RERG: variants seen among roughly 807,000 people sequenced by gnomAD.
The protein encoded by RERG is RAS like estrogen regulated growth inhibitor.
RERG carries 25 observed loss-of-function variants against 23.2 expected under a neutral mutation model. The observed-to-expected ratio is 1.08, with a 90% CI of 0.79 to 1.50. The LOEUF (loss-of-function observed/expected upper bound fraction) is 1.50, where lower values mean the gene tolerates loss of function less well. Ranked by LOEUF, RERG falls within the 40% of genes most tolerant of loss-of-function variation. The pLI, the probability that RERG is intolerant of heterozygous loss-of-function variation, is 0.00. For synonymous variants in RERG, 81 were observed against 89.1 expected, an observed-to-expected ratio of 0.91 and a Z score of 0.51; for missense variants, 253 against 250.1, an observed-to-expected ratio of 1.01 and a Z score of -0.08.
Position 15,163,344 on chromosome 12 carries a change from C to T in RERG, c.62-42225G>A, listed in dbSNP as rs530221492. On this transcript the variant is annotated intron_variant, in intron 2 of 4. Transcript: ENST00000256953. ...TCCTGGATCATATTTCAAACGTTGC[C>T]CTTGTTAATTTTCCAATGAATATAC... is the stretch of plus-strand genomic sequence containing the variant. Among the ~76,000 whole-genome samples the T allele has an allele frequency of 1.4e-4, 21 of 152,134 alleles. No homozygotes were observed. The South Asian group carries it at 4.2e-3, about 30-fold the overall frequency.
At chr12:15,189,526 T>G (rs569378132) in intron 2 of RERG, among the ~76,000 whole-genome samples, 108 of 152,304 alleles carry the variant, frequency 7.1e-4, no homozygotes, top group African/African-American at 2.5e-3. Context: ...TTTAGTCTCA[T>G]CAGTTTTCCC....
At chr12:15,182,057 C>CTTTT (rs71042236) in intron 2 of RERG, among the ~76,000 whole-genome samples, 1 of 138,074 alleles carries the variant, frequency 7.2e-6, no homozygotes, top group Non-Finnish European at 1.6e-5. Context: ...TAACTTTTAA[C>CTTTT]TTTTTTTTTT....
chr12:15,156,445 C>A (rs1443304201), intron 2 of RERG, among the ~76,000 whole-genome samples: 1 of 152,146 alleles, frequency 6.6e-6, no homozygotes, highest in Non-Finnish European at 1.5e-5. Context: ...ACCACAAATA[C>A]CACATCAGCT....
chr12:15,109,413 CTT>C lies in RERG; in HGVS notation c.295_296del (p.Lys99GlufsTer5). 1.2e-6 allele frequency: 2 copies of C among 1,614,012 alleles called. No homozygotes were observed. Among genetic ancestry groups the C allele is most frequent in the South Asian group, 1.1e-5 (1 of 91,062 alleles). On this transcript the variant is annotated frameshift_variant, in exon 5 of 5. Coordinates refer to ENST00000256953, the MANE Select transcript of RERG (RefSeq NM_032918.3). LOFTEE classifies it high-confidence loss of function. The stretch of plus-strand genomic sequence containing the variant: ...GCTTTTTGATCTCATCTAGGATGTT[CTT>C]AAGTGGCAGCACTTCCTCAAAACTT... ...RGSFEEVLPL[K>X]NILDEIKKPK... is the part of the protein sequence containing the mutation.
intron 2 of RERG, among the ~76,000 whole-genome samples, chr12:15,186,622 G>T (rs952885932): frequency 3.3e-5 from 5 of 151,960 alleles, no homozygotes; most frequent in African/African-American, 1.2e-4. Flanking sequence ...AGGAGGAGGA[G>T]AAAACATTAA....
intron 2 of RERG, among the ~76,000 whole-genome samples, chr12:15,132,259 A>T (rs780826894): frequency 3.9e-5 from 6 of 152,192 alleles, no homozygotes; most frequent in Admixed American, 1.3e-4. Flanking sequence ...CACTCCTACC[A>T]TTACTAAATG....
intron 2 of RERG, among the ~76,000 whole-genome samples, chr12:15,156,696 A>G (rs1460496759): frequency 6.6e-6 from 1 of 152,212 alleles, no homozygotes; most frequent in Non-Finnish European, 1.5e-5. Flanking sequence ...CAAGAGCAGA[A>G]TGGTATTATC....
chr12:15,221,221 G>C lies in RERG; in HGVS notation c.-141C>G, dbSNP rs35147010. On this transcript the variant is annotated 5_prime_UTR_variant, in exon 1 of 5. Transcript: ENST00000256953. ...TGTTCACACTCTCCAGGCCAGGAGA[G>C]CTACGGTCCTCTGCAAGTTCGGAAT... 1 of 152,292 alleles carries C rather than the reference G, an allele frequency of 6.6e-6. No homozygotes were observed. The highest frequency in any genetic ancestry group is 1.5e-5 in the Non-Finnish European group (1 of 68,082). The allele number at this position is 152,292 out of a possible 1,614,324, so 9.4% of individuals were successfully genotyped here.
chr12:15,132,380 A>C (rs1031777083), intron 2 of RERG, among the ~76,000 whole-genome samples: 7 of 152,172 alleles, frequency 4.6e-5, no homozygotes, highest in Non-Finnish European at 8.8e-5. Flanking sequence ...TTGATCACTT[A>C]TTTCCTTTTA....
At chr12:15,112,480 G>C (rs1171237172) in intron 3 of RERG, 1 of 152,108 alleles carries the variant, frequency 6.6e-6, no homozygotes, top group Admixed American at 6.5e-5. Flanking sequence ...CTATGTGAGG[G>C]GAAGGAGAAG....
Position 15,135,848 on chromosome 12 carries a change from G to T in RERG, c.62-14729C>A, listed in dbSNP as rs144601568. Among the ~76,000 whole-genome samples the T allele has an allele frequency of 4.0e-3, 615 of 152,038 alleles. 1 individual carries two copies. Among genetic ancestry groups the T allele is most frequent in the Non-Finnish European group, 6.8e-3 (463 of 67,912 alleles). Reference sequence around the variant, plus strand: ...TGCATTTATGTTCATGTGCCTTATTGGTCTATAGTTTCCTTTCCCTGTAAT... The same window carrying T: ...TGCATTTATGTTCATGTGCCTTATTTGTCTATAGTTTCCTTTCCCTGTAAT... On this transcript the variant is annotated intron_variant, in intron 2 of 4. Transcript: ENST00000256953.
intron 2 of RERG, among the ~76,000 whole-genome samples, chr12:15,188,627 T>A (rs1464185228): frequency 7.9e-5 from 12 of 152,296 alleles, no homozygotes; most frequent in Middle Eastern, 3.4e-3. Context: ...TGAACTTTTT[T>A]AAAAAAATTA....
rs1176333255 is a variant in RERG at position 15,163,778 on chromosome 12, G to T, written c.62-42659C>A. ...AGCTGTCCAGGAGAAGCTGGAGTCA[G>T]TGAAGACTGCCTAGTGGGAAAGACG... On this transcript the variant is annotated intron_variant, in intron 2 of 4. Transcript: ENST00000256953. Among the ~76,000 whole-genome samples, 3 of 152,310 alleles carry T rather than the reference G, an allele frequency of 2.0e-5. No homozygotes were observed. In the East Asian group the frequency reaches 5.8e-4, roughly 29 times the overall value.
chr12:15,129,999 G>C (rs1376363106), intron 2 of RERG, among the ~76,000 whole-genome samples: 1 of 152,088 alleles, frequency 6.6e-6, no homozygotes. Context: ...ATATAATGGG[G>C]AATATAATGG....
At chr12:15,142,707 G>C (rs140444623) in intron 2 of RERG, among the ~76,000 whole-genome samples, 1 of 152,022 alleles carries the variant, frequency 6.6e-6, no homozygotes, top group Non-Finnish European at 1.5e-5. Context: ...AGAGAGAGGG[G>C]GGGTAGGAGA....
At chr12:15,161,768 CAAT>C (rs573959645) in intron 2 of RERG, among the ~76,000 whole-genome samples, 4 of 151,918 alleles carry the variant, frequency 2.6e-5, no homozygotes, top group East Asian at 1.9e-4. Context: ...CTACCAATAA[CAAT>C]AATAATAATA....
intron 2 of RERG, among the ~76,000 whole-genome samples, chr12:15,155,802 G>A (rs1449277649): frequency 6.6e-6 from 1 of 151,964 alleles, no homozygotes; most frequent in Non-Finnish European, 1.5e-5. Flanking sequence ...TTATAGAGCT[G>A]GATCTTTCAC....
At chr12:15,193,804 G>A (rs1396303910) in intron 2 of RERG, among the ~76,000 whole-genome samples, 5 of 152,136 alleles carry the variant, frequency 3.3e-5, no homozygotes, top group East Asian at 3.9e-4. Flanking sequence ...GAAAGTACAA[G>A]TATAATTGCA....
intron 2 of RERG, among the ~76,000 whole-genome samples, chr12:15,214,093 A>G (rs1453997025): frequency 6.6e-6 from 1 of 151,388 alleles, no homozygotes; most frequent in African/African-American, 2.4e-5. Flanking sequence ...AAACCAAAAT[A>G]CTCACTTGAA....
Sources: gnomAD v4.1 joint callset for allele counts (sites outside exome capture counted in the v4.1 genomes callset) on GRCh38, gnomAD v4.1.1 for gene constraint, MANE v1.5 for transcripts, NCBI Gene and HGNC (gene_info 2026-07-23, HGNC 2026-07-21) for gene names.